EPHA7: variants seen among roughly 807,000 people sequenced by gnomAD.
EPHA7 encodes the protein ephrin type-A receptor 7.
EPHA7 carries 25 observed loss-of-function variants against 112.6 expected under a neutral mutation model. The ratio of observed to expected loss-of-function variants is 0.22; its 90% CI spans 0.16 to 0.31. The LOEUF (loss-of-function observed/expected upper bound fraction) is 0.31, where lower values mean the gene tolerates loss of function less well. Among genes scored for constraint, EPHA7 ranks in the 10% least tolerant of loss-of-function variants. The probability of loss-of-function intolerance (pLI) is 1.00; values close to 1 mark genes in which losing one functional copy is unlikely to be tolerated. For synonymous variants in EPHA7, 437 were observed against 406.5 expected (o/e 1.07, Z -0.90); for missense variants, 962 against 1,212.6 (o/e 0.79, Z 3.07).
intron 3 of EPHA7, among the ~76,000 whole-genome samples, chr6:93,398,898 C>T (rs1051086464): frequency 2.0e-5 from 3 of 152,046 alleles, no homozygotes; most frequent in African/African-American, 7.2e-5. Flanking sequence ...TTAAAATTTC[C>T]TGTCAGGTTT....
intron 3 of EPHA7, among the ~76,000 whole-genome samples, chr6:93,378,707 A>T (rs978021336): frequency 6.6e-6 from 1 of 152,140 alleles, no homozygotes; most frequent in East Asian, 1.9e-4. Flanking sequence ...ACAGATTACA[A>T]AAGTGGAGGC....
intron 10 of EPHA7, 39 bp from the exon 11 acceptor site, chr6:93,258,323 A>T: frequency 6.7e-7 from 1 of 1,500,440 alleles, no homozygotes; most frequent in Non-Finnish European, 8.9e-7. Context: ...TTAGTTTCTA[A>T]ATATTGTAAT....
chr6:93,272,316 T>C lies in EPHA7; in HGVS notation c.1431A>G (p.Glu477=). ...EHPNGVITEY[E]IKYYEKDQRE... is the part of the protein sequence containing the mutation. ...CACTTACTTTCTCGTAATACTTGATTTCATATTCTGTGATGACTCCATTGG... is the reference window on the plus strand; with the variant it reads ...CACTTACTTTCTCGTAATACTTGATCTCATATTCTGTGATGACTCCATTGG... The change falls in exon 6 of 17, where the codon GAA becomes GAG. Residue 477 remains glutamate, a synonymous_variant. Coordinates refer to ENST00000369303, the MANE Select transcript of EPHA7 (RefSeq NM_004440.4). The C allele has an allele frequency of 6.2e-7, 1 of 1,611,964 alleles. No individual in the cohort carries two copies. Among genetic ancestry groups the C allele is most frequent in the Non-Finnish European group, 8.5e-7 (1 of 1,178,502 alleles).
At chr6:93,316,378 A>G (rs1773812693) in intron 5 of EPHA7, among the ~76,000 whole-genome samples, 1 of 152,182 alleles carries the variant, frequency 6.6e-6, no homozygotes, top group African/African-American at 2.4e-5. Flanking sequence ...TTATAACATC[A>G]GAATTTACTT....
At chr6:93,292,607 G>C (rs1038724251) in intron 5 of EPHA7, among the ~76,000 whole-genome samples, 16 of 152,028 alleles carry the variant, frequency 1.1e-4, no homozygotes, top group Admixed American at 9.8e-4. Context: ...TATTGCTTTA[G>C]ATCAATATCC....
Position 93,240,540 on chromosome 6 carries a change from C to T in EPHA7, c.*2886G>A, listed in dbSNP as rs1279773243. ...TAGTAAACAAGGACCAGATCAATTG[C>T]TGAGAAAATGTTAGATTCAAATGTA... On this transcript the variant is annotated 3_prime_UTR_variant, in exon 17 of 17. Transcript: ENST00000369303. 2 of 220,262 alleles carry T rather than the reference C, an allele frequency of 9.1e-6. No homozygotes were observed. Among genetic ancestry groups the T allele is most frequent in the South Asian group, 1.8e-4 (1 of 5,424 alleles). The allele number at this position is 220,262 out of a possible 1,614,324, so 13.6% of individuals were successfully genotyped here.
chr6:93,364,188 T>C (rs1377594145), intron 3 of EPHA7, among the ~76,000 whole-genome samples: 1 of 152,116 alleles, frequency 6.6e-6, no homozygotes, highest in Non-Finnish European at 1.5e-5. Context: ...AATGGGGGAA[T>C]TGTATGATAT....
chr6:93,295,798 G>A (rs988869054), intron 5 of EPHA7, among the ~76,000 whole-genome samples: 1 of 151,014 alleles, frequency 6.6e-6, no homozygotes, highest in Admixed American at 6.6e-5. Context: ...TGATATTTCT[G>A]TCCTATTTAT....
At chr6:93,392,594 A>C (rs1189377421) in intron 3 of EPHA7, among the ~76,000 whole-genome samples, 2 of 152,018 alleles carry the variant, frequency 1.3e-5, no homozygotes, top group African/African-American at 4.8e-5. Flanking sequence ...AAAAGTGCAT[A>C]CTATCCATTT....
rs750587756 is a variant in EPHA7 at position 93,246,990 on chromosome 6, T to C, written c.2533-5A>G. On this transcript the variant is annotated splice_region_variant and splice_polypyrimidine_tract_variant and intron_variant, in intron 14 of 16. Coordinates refer to ENST00000369303, the MANE Select transcript of EPHA7 (RefSeq NM_004440.4). ...TTCTTCTATTGCTTTTATAACCTAA[T>C]AGCCAAAAGGACATTACAAATATTA... 6.4e-7 allele frequency: 1 copy of C among 1,568,698 alleles called. No individual in the cohort carries two copies. Among genetic ancestry groups the C allele is most frequent in the Non-Finnish European group, 8.7e-7 (1 of 1,147,346 alleles).
intron 5 of EPHA7, among the ~76,000 whole-genome samples, chr6:93,333,351 C>T (rs1296629273): frequency 6.6e-6 from 1 of 151,760 alleles, no homozygotes; most frequent in Admixed American, 6.6e-5. Flanking sequence ...CGAACATACG[C>T]ATGCATGTCT....
At chr6:93,287,585 G>T (rs2127832008) in intron 5 of EPHA7, among the ~76,000 whole-genome samples, 1 of 150,522 alleles carries the variant, frequency 6.6e-6, no homozygotes, top group Non-Finnish European at 1.5e-5. Flanking sequence ...ATGTTATATA[G>T]GTAAACTCGT....
At chr6:93,317,250 A>G (rs1773858605) in intron 5 of EPHA7, among the ~76,000 whole-genome samples, 1 of 152,190 alleles carries the variant, frequency 6.6e-6, no homozygotes, top group Admixed American at 6.5e-5. Flanking sequence ...TAGGGATTTT[A>G]AAGATTTACT....
At chr6:93,373,571 TG>T (rs1776907192) in intron 3 of EPHA7, among the ~76,000 whole-genome samples, 1 of 152,132 alleles carries the variant, frequency 6.6e-6, no homozygotes, top group African/African-American at 2.4e-5. Flanking sequence ...TGATATTTCA[TG>T]GTTTTGCCAG....
At chr6:93,370,863 CG>C (rs1444780066) in intron 3 of EPHA7, among the ~76,000 whole-genome samples, 2 of 151,876 alleles carry the variant, frequency 1.3e-5, no homozygotes, top group African/African-American at 4.8e-5. Flanking sequence ...AAAGCACAGT[CG>C]GCAAGGCGCG....
chr6:93,281,986 T>G (rs999778158), intron 5 of EPHA7, among the ~76,000 whole-genome samples: 1 of 151,986 alleles, frequency 6.6e-6, no homozygotes, highest in Non-Finnish European at 1.5e-5. Flanking sequence ...TTATGTAATA[T>G]ATACAATTTT....
At chr6:93,307,882 A>T in intron 5 of EPHA7, among the ~76,000 whole-genome samples, 1 of 152,330 alleles carries the variant, frequency 6.6e-6, no homozygotes, top group Middle Eastern at 3.4e-3. Context: ...ATGGTTACTC[A>T]AAAATAGTGA....
chr6:93,247,379 C>G (rs1770000413), intron 14 of EPHA7, among the ~76,000 whole-genome samples: 1 of 152,094 alleles, frequency 6.6e-6, no homozygotes, highest in Non-Finnish European at 1.5e-5. Flanking sequence ...ATTTGAGTTA[C>G]CCAGAATGAG....
chr6:93,254,887 T>C (rs1770368645), intron 13 of EPHA7, 91 bp from the exon 14 acceptor site: 2 of 1,112,318 alleles, frequency 1.8e-6, no homozygotes. Context: ...GCATTTTTGG[T>C]TGGTAGTTCA....
Sources: allele counts gnomAD v4.1 joint callset (sites outside exome capture counted in the v4.1 genomes callset), GRCh38; gene constraint gnomAD v4.1.1; transcripts MANE v1.5; gene names NCBI Gene and HGNC (gene_info 2026-07-23, HGNC 2026-07-21).